Variants in POLR1A observed in about 807,000 individuals in gnomAD.
POLR1A encodes the protein DNA-directed RNA polymerase I subunit RPA1.
POLR1A carries 84 observed loss-of-function variants against 205.3 expected under a neutral mutation model. The ratio of observed to expected loss-of-function variants is 0.41; its 90% CI spans 0.34 to 0.49. The LOEUF is 0.49. Ranked by LOEUF, POLR1A falls within the 20% of genes least tolerant of loss-of-function variation. The probability of loss-of-function intolerance (pLI) is 0.22; values close to 1 mark genes in which losing one functional copy is unlikely to be tolerated. For missense variants in POLR1A, 1,645 were observed against 2,204.5 expected (o/e 0.75, Z 5.08); for synonymous variants, 799 against 863.7 (o/e 0.93, Z 1.31).
At chr2:86,031,811 C>A (rs1461459347) in intron 29 of POLR1A, among the ~76,000 whole-genome samples, 176 bp from the exon 30 acceptor site, 1 of 152,152 alleles carries the variant, frequency 6.6e-6, no homozygotes, top group Non-Finnish European at 1.5e-5. Flanking sequence ...CTTCCTTTTG[C>A]CTTGAGAATG....
chr2:86,065,025 TCA>T (rs1673062329), intron 14 of POLR1A, among the ~76,000 whole-genome samples: 1 of 152,140 alleles, frequency 6.6e-6, no homozygotes, highest in Admixed American at 6.5e-5. Context: ...TCTGCCCGCC[TCA>T]GTCTCCTAAA....
At position 86,025,541 on chromosome 2, in the gene POLR1A, G is replaced by A. The variant is rs1049469770; in HGVS notation, c.*1882C>T. On this transcript the variant is annotated 3_prime_UTR_variant, in exon 34 of 34. Coordinates refer to ENST00000263857, the MANE Select transcript of POLR1A (RefSeq NM_015425.6). ...CACAGGAATAAAACAGAGCTGCCCA[G>A]GAACCATGTGGATGGGTGGGGCAGG... is the stretch of plus-strand genomic sequence containing the variant. The A allele has an allele frequency of 1.3e-5, 2 of 152,312 alleles. No individual in the cohort carries two copies. Among genetic ancestry groups the A allele is most frequent in the African/African-American group, 4.8e-5 (2 of 41,476 alleles). 9.4% of individuals were successfully genotyped at this position (152,312 alleles called of 1,614,324 possible).
intron 9 of POLR1A, among the ~76,000 whole-genome samples, chr2:86,079,669 C>T (rs1158137268): frequency 6.6e-6 from 1 of 151,978 alleles, no homozygotes; most frequent in Admixed American, 6.6e-5. Context: ...CTCCAGTGAT[C>T]CTCCCACCTC....
chr2:86,072,670 C>A (rs941172170), intron 12 of POLR1A, among the ~76,000 whole-genome samples: 6 of 152,258 alleles, frequency 3.9e-5, no homozygotes, highest in Non-Finnish European at 8.8e-5. Flanking sequence ...CAAAGGCCTG[C>A]TTCTGGCAGG....
intron 16 of POLR1A, among the ~76,000 whole-genome samples, chr2:86,052,432 T>C (rs921465246): frequency 4.6e-5 from 7 of 152,126 alleles, no homozygotes; most frequent in African/African-American, 1.7e-4. Context: ...AGGGTGCCAT[T>C]CTGCACTGTG....
At chr2:86,090,386 C>CAAAAAAAAAAAAAAA (rs56810530) in intron 3 of POLR1A, among the ~76,000 whole-genome samples, 1 of 94,632 alleles carries the variant, frequency 1.1e-5, no homozygotes, top group African/African-American at 3.9e-5. Flanking sequence ...GACACCATCT[C>CAAAAAAAAAAAAAAA]AAAAAAAAAA....
At chr2:86,050,297 C>T (rs1229778074) in intron 16 of POLR1A, among the ~76,000 whole-genome samples, 1 of 152,230 alleles carries the variant, frequency 6.6e-6, no homozygotes, top group African/African-American at 2.4e-5. Flanking sequence ...AAGAAAACAG[C>T]AGGTGTACTG....
In POLR1A at chr2:86,032,367, C is replaced by T. The variant is rs1166638453; in HGVS notation, c.4177G>A (p.Asp1393Asn). The stretch of plus-strand genomic sequence containing the variant: ...ACAATGTGCCCCTCCTCTTCCTCAT[C>T]ACCCTCCTGCTCTCCCTGTGGTTTG... ...LGRSRGEQEG[D>N]EEEEGHIVDA... Residue 1393 changes from aspartate to asparagine, a missense_variant, in exon 29 of 34, where the codon GAT (aspartate) becomes AAT (asparagine). Physicochemically the swap from Asp to Asn is conservative, Grantham distance 23 (BLOSUM62 1). Transcript: ENST00000263857. 1 of 1,612,110 alleles carries T rather than the reference C, an allele frequency of 6.2e-7. No individual in the cohort carries two copies. The highest frequency in any genetic ancestry group is 1.7e-5 in the Admixed American group (1 of 60,014).
intron 24 of POLR1A, 64 bp from the exon 25 acceptor site, chr2:86,040,623 A>G: frequency 2.3e-6 from 3 of 1,291,798 alleles, no homozygotes; most frequent in Non-Finnish European, 3.1e-6. Flanking sequence ...GACACCACAG[A>G]CTGTCAATGC....
rs972483635 is a variant in POLR1A at position 86,026,411 on chromosome 2, A to C, written c.*1012T>G. ...ATTACCCGCCCTGAGCTGAAATAAC[A>C]GTAGACAAAGATAGAAGCTAGCCTC... On this transcript the variant is annotated 3_prime_UTR_variant, in exon 34 of 34. Coordinates refer to ENST00000263857, the MANE Select transcript of POLR1A (RefSeq NM_015425.6). The C allele has an allele frequency of 6.6e-6, 1 of 152,256 alleles. No homozygotes were observed. Among genetic ancestry groups the C allele is most frequent in the African/African-American group, 2.4e-5 (1 of 41,468 alleles). The allele number at this position is 152,256 out of a possible 1,614,324, so 9.4% of individuals were successfully genotyped here.
chr2:86,079,598 T>C (rs1480499819), intron 9 of POLR1A, among the ~76,000 whole-genome samples: 3 of 152,084 alleles, frequency 2.0e-5, no homozygotes, highest in Non-Finnish European at 4.4e-5. Flanking sequence ...GGTCTAACTC[T>C]GTTACCCAGG....
At chr2:86,053,593 C>G (rs1672845015) in intron 15 of POLR1A, among the ~76,000 whole-genome samples, 1 of 152,204 alleles carries the variant, frequency 6.6e-6, no homozygotes, top group African/African-American at 2.4e-5. Context: ...ACCCATGAAG[C>G]ATATGGTCTA....
chr2:86,073,688 C>T (rs1323832193), intron 12 of POLR1A, among the ~76,000 whole-genome samples: 2 of 152,234 alleles, frequency 1.3e-5, no homozygotes, highest in African/African-American at 4.8e-5. Flanking sequence ...TATATGCTTA[C>T]TTCCTAGTGG....
intron 9 of POLR1A, among the ~76,000 whole-genome samples, chr2:86,079,247 G>A (rs1404548176): frequency 6.6e-6 from 1 of 152,198 alleles, no homozygotes; most frequent in Non-Finnish European, 1.5e-5. Flanking sequence ...TCCCCTTCTG[G>A]CTGGAGTCCC....
chr2:86,078,150 G>A lies in POLR1A; in HGVS notation c.1221C>T (p.Asp407=), dbSNP rs1286693450. ...HVNIVFDSEM[D]KLMMDKYPGI... The stretch of plus-strand genomic sequence containing the variant: ...CTGGGTACTTGTCCATCATTAGTTT[G>A]TCCATCTCGCTATCAAACACAATAT... The change falls in exon 10 of 34, where the codon GAC becomes GAT. Residue 407 remains aspartate, a synonymous_variant. Transcript: ENST00000263857. 7 of 1,612,912 alleles carry A rather than the reference G, an allele frequency of 4.3e-6. No homozygotes were observed. The highest frequency in any genetic ancestry group is 5.9e-6 in the Non-Finnish European group (7 of 1,179,782).
chr2:86,073,669 CA>C (rs1377740618), intron 12 of POLR1A, among the ~76,000 whole-genome samples: 2 of 152,196 alleles, frequency 1.3e-5, no homozygotes, highest in African/African-American at 4.8e-5. Context: ...TCCGCAACAG[CA>C]ATACATTTAT....
Position 86,049,263 on chromosome 2 carries a change from G to A in POLR1A, c.2393-21C>T, listed in dbSNP as rs768397723. 3.1e-5 allele frequency: 50 copies of A among 1,587,854 alleles called. No individual in the cohort carries two copies. The South Asian group carries it at 5.3e-4, about 17-fold the overall frequency. The stretch of plus-strand genomic sequence containing the variant: ...CACGCCTGTGAAGTGAAACAGACAA[G>A]CTTGTAGGCGACCTCAGGCCTGATT... On this transcript the variant is annotated intron_variant, in intron 16 of 33. Coordinates refer to ENST00000263857, the MANE Select transcript of POLR1A (RefSeq NM_015425.6).
At chr2:86,058,459 C>T (rs1573815817) in intron 14 of POLR1A, among the ~76,000 whole-genome samples, 1 of 120,602 alleles carries the variant, frequency 8.3e-6, no homozygotes. Context: ...CCAGGCTGGT[C>T]TTGAATTCCT....
chr2:86,083,091 T>A lies in POLR1A; in HGVS notation c.808A>T (p.Lys270Ter). 1 of 1,613,014 alleles carries A rather than the reference T, an allele frequency of 6.2e-7. No individual in the cohort carries two copies. The highest frequency in any genetic ancestry group is 1.1e-5 in the South Asian group (1 of 91,064). ...TAGCCTGATACAGCACCTTCATTCT[T>A]CCACAGGGCAGAAAGGTGTTCGCGG... ...SAREHLSALW[K>*]NEGFFLNYLF... Residue 270 changes from lysine to a stop codon, truncating the protein, a stop_gained, in exon 7 of 34, where the codon AAG becomes TAG. Transcript: ENST00000263857. LOFTEE classifies it high-confidence loss of function.
Sources: gnomAD v4.1 joint callset for allele counts (sites outside exome capture counted in the v4.1 genomes callset) on GRCh38, gnomAD v4.1.1 for gene constraint, MANE v1.5 for transcripts, NCBI Gene and HGNC (gene_info 2026-07-23, HGNC 2026-07-21) for gene names.